The following NAV2 variants were observed in gnomAD, a reference collection of about 807,000 sequenced individuals.
NAV2 encodes the protein neuron navigator 2, also known as helicase, APC down-regulated 1.
In NAV2, 54 loss-of-function variants were observed where a neutral mutation model predicts 223.2. The ratio of observed to expected loss-of-function variants is 0.24; its 90% CI spans 0.19 to 0.30. The LOEUF is 0.30. Among genes scored for constraint, NAV2 ranks in the 10% least tolerant of loss-of-function variants. NAV2 has a pLI of 1.00. For missense variants in NAV2, 2,806 were observed against 3,147.5 expected (o/e 0.89, Z 2.60); for synonymous variants, 1,279 against 1,239.3 (o/e 1.03, Z -0.67).
At chr11:19,727,998 ACTC>A (rs1246162276) in intron 1 of NAV2, among the ~76,000 whole-genome samples, 2 of 151,804 alleles carry the variant, frequency 1.3e-5, no homozygotes, top group Non-Finnish European at 2.9e-5. Flanking sequence ...AGGAATGACT[ACTC>A]CAGCCACTCT....
intron 19 of NAV2, among the ~76,000 whole-genome samples, chr11:20,058,975 T>G (rs1020573470): frequency 2.6e-5 from 4 of 152,184 alleles, no homozygotes; most frequent in Non-Finnish European, 5.9e-5. Flanking sequence ...GAGGCAAAAG[T>G]GACTTGAAGA....
At chr11:19,738,291 C>T (rs1312013429) in intron 1 of NAV2, among the ~76,000 whole-genome samples, 1 of 152,212 alleles carries the variant, frequency 6.6e-6, no homozygotes. Flanking sequence ...ATGGCAACAG[C>T]CCAGGCAGGG....
intron 1 of NAV2, among the ~76,000 whole-genome samples, chr11:19,622,761 T>G (rs1269432232): frequency 2.6e-5 from 4 of 152,232 alleles, no homozygotes; most frequent in Admixed American, 2.6e-4. Flanking sequence ...TTAGCCCATT[T>G]ACATTTAAGG....
chr11:19,492,206 G>C (rs892770999), intron 1 of NAV2, among the ~76,000 whole-genome samples: 3 of 151,982 alleles, frequency 2.0e-5, no homozygotes, highest in African/African-American at 4.8e-5. Flanking sequence ...GAGGCATGAA[G>C]TGAGCACATG....
intron 1 of NAV2, among the ~76,000 whole-genome samples, chr11:19,530,326 G>A (rs1158092499): frequency 6.6e-6 from 1 of 152,212 alleles, no homozygotes; most frequent in African/African-American, 2.4e-5. Flanking sequence ...AGCACCCTGG[G>A]CATCACGAGG....
intron 4 of NAV2, among the ~76,000 whole-genome samples, chr11:19,872,121 A>C (rs565362303): frequency 8.5e-5 from 13 of 152,332 alleles, no homozygotes; most frequent in African/African-American, 2.9e-4. Context: ...ACAAAAAGCA[A>C]GGGTACTTAC....
At chr11:20,110,342 T>C (rs967008420) in intron 36 of NAV2, among the ~76,000 whole-genome samples, 2 of 152,204 alleles carry the variant, frequency 1.3e-5, no homozygotes, top group Non-Finnish European at 2.9e-5. Context: ...GACTGCGGAT[T>C]CCTGCGGAAG....
rs182859724 is a variant in NAV2 at position 19,879,160 on chromosome 11, A to G, written c.512-709A>G. Among the ~76,000 whole-genome samples, 625 of 152,300 alleles carry G rather than the reference A, an allele frequency of 4.1e-3. 4 individuals carry two copies. The highest frequency in any genetic ancestry group is 6.8e-3 in the Middle Eastern group (2 of 294). On this transcript the variant is annotated intron_variant, in intron 4 of 37. Coordinates refer to ENST00000349880, the MANE Select transcript of NAV2 (RefSeq NM_145117.5). ...AGCCATAGCCTTTGCCTGTGAATAAATATTTTATTCTCCTCTGCAACTCTT... is the reference window on the plus strand; with the variant it reads ...AGCCATAGCCTTTGCCTGTGAATAAGTATTTTATTCTCCTCTGCAACTCTT...
rs551399734 is a variant in NAV2 at position 19,606,201 on chromosome 11, G to A, written c.76-226283G>A. Among the ~76,000 whole-genome samples the A allele has an allele frequency of 2.0e-5, 3 of 152,346 alleles. No homozygotes were observed. The East Asian group carries it at 5.8e-4, about 29-fold the overall frequency. ...CCAAACTCCTTTGTTTGGCTGTGAA[G>A]ACTCTGCAAAGCCTGAGCCTACTTA... On this transcript the variant is annotated intron_variant, in intron 1 of 37. Transcript: ENST00000360655.
At chr11:19,930,448 C>G (rs2153250507) in intron 6 of NAV2, among the ~76,000 whole-genome samples, 1 of 152,314 alleles carries the variant, frequency 6.6e-6, no homozygotes, top group South Asian at 2.1e-4. Context: ...GAGGAACATA[C>G]CTTTGAATGT....
intron 11 of NAV2, among the ~76,000 whole-genome samples, chr11:20,031,159 A>C (rs1268251212): frequency 6.6e-6 from 1 of 152,130 alleles, no homozygotes; most frequent in African/African-American, 2.4e-5. Flanking sequence ...AGCTGCGTAC[A>C]CTGTAGTTCT....
At chr11:19,531,645 G>C (rs2044030713) in intron 1 of NAV2, among the ~76,000 whole-genome samples, 1 of 152,166 alleles carries the variant, frequency 6.6e-6, no homozygotes, top group Admixed American at 6.5e-5. Flanking sequence ...AGAATGAAAG[G>C]TTGGGAATTC....
chr11:19,409,367 A>G (rs543360515), intron 1 of NAV2, among the ~76,000 whole-genome samples: 39 of 152,282 alleles, frequency 2.6e-4, no homozygotes, highest in Admixed American at 4.6e-4. Context: ...ACAGAACTTG[A>G]TTTCTTTTTG....
At chr11:19,696,864 G>T (rs769256181) in intron 1 of NAV2, among the ~76,000 whole-genome samples, 15 of 152,134 alleles carry the variant, frequency 9.9e-5, no homozygotes, top group Non-Finnish European at 1.6e-4. Flanking sequence ...GAATCACCTA[G>T]GGAGCTTCTT....
intron 1 of NAV2, among the ~76,000 whole-genome samples, chr11:19,475,614 C>A (rs1182261804): frequency 6.6e-6 from 1 of 152,202 alleles, no homozygotes; most frequent in Non-Finnish European, 1.5e-5. Flanking sequence ...TGGGGAATCC[C>A]TGGAGGCAAA....
intron 1 of NAV2, among the ~76,000 whole-genome samples, chr11:19,583,716 C>T (rs912950149): frequency 2.6e-5 from 4 of 152,168 alleles, no homozygotes; most frequent in Admixed American, 2.6e-4. Context: ...CCTTGCATCC[C>T]AGGGATGAAG....
At chr11:19,675,297 A>T (rs540618063) in intron 1 of NAV2, among the ~76,000 whole-genome samples, 4 of 152,216 alleles carry the variant, frequency 2.6e-5, no homozygotes, top group South Asian at 2.1e-4. Flanking sequence ...CCTTTTTCCC[A>T]GTCTGCCCTC....
At chr11:19,375,354 C>G (rs1305976163) in intron 1 of NAV2, among the ~76,000 whole-genome samples, 1 of 152,216 alleles carries the variant, frequency 6.6e-6, no homozygotes, top group Non-Finnish European at 1.5e-5. Context: ...TGGCTGGGCA[C>G]AGGCCGGGAA....
At chr11:19,804,671 A>G (rs2058450863) in intron 1 of NAV2, among the ~76,000 whole-genome samples, 2 of 152,210 alleles carry the variant, frequency 1.3e-5, no homozygotes, top group Admixed American at 1.3e-4. Flanking sequence ...TTATCCATCC[A>G]TCCATCTGAT....
Sources: gnomAD v4.1 joint callset for allele counts (sites outside exome capture counted in the v4.1 genomes callset) on GRCh38, gnomAD v4.1.1 for gene constraint, MANE v1.5 for transcripts, NCBI Gene and HGNC (gene_info 2026-07-23, HGNC 2026-07-21) for gene names.